The following TAOK1 variants were observed in gnomAD, a reference collection of about 807,000 sequenced individuals.
The protein encoded by TAOK1 is TAO kinase 1.
Under a neutral mutation model 138.3 loss-of-function variants are expected in TAOK1, and 21 were observed. The observed-to-expected ratio is 0.15, with a 90% CI of 0.11 to 0.22. The LOEUF (loss-of-function observed/expected upper bound fraction) is 0.22, where lower values mean the gene tolerates loss of function less well. Ranked by LOEUF, TAOK1 falls within the 10% of genes least tolerant of loss-of-function variation. TAOK1 has a pLI of 1.00. For missense variants in TAOK1, 651 were observed against 1,227.7 expected (o/e 0.53, Z 7.02); for synonymous variants, 361 against 398.4 (o/e 0.91, Z 1.12).
intron 2 of TAOK1, among the ~76,000 whole-genome samples, chr17:29,460,382 G>A (rs889200021): frequency 1.2e-4 from 18 of 152,078 alleles, no homozygotes; most frequent in Admixed American, 2.0e-4. Flanking sequence ...AGTAGAGACC[G>A]GGTTTCACCA....
At chr17:29,522,178 A>G (rs2031932576) in intron 16 of TAOK1, 102 bp from the exon 17 acceptor site, 8 of 1,425,808 alleles carry the variant, frequency 5.6e-6, no homozygotes, top group Non-Finnish European at 7.6e-6. Flanking sequence ...ATTGAATAAC[A>G]GGGTTAATTA....
At chr17:29,534,598 C>T (rs1055333980) in intron 19 of TAOK1, among the ~76,000 whole-genome samples, 4 of 152,150 alleles carry the variant, frequency 2.6e-5, no homozygotes, top group African/African-American at 9.7e-5. Context: ...GCTCTATTTT[C>T]CTCACTTCTG....
intron 1 of TAOK1, among the ~76,000 whole-genome samples, chr17:29,400,338 CG>C (rs1904798893): frequency 6.9e-6 from 1 of 145,190 alleles, no homozygotes; most frequent in African/African-American, 2.6e-5. Flanking sequence ...TGCAATGAGC[CG>C]AGATCGCGCC....
intron 2 of TAOK1, among the ~76,000 whole-genome samples, chr17:29,463,570 C>CA (rs34303520): frequency 0.3 from 35,540 of 117,050 alleles, 5,006 homozygotes; most frequent in East Asian, 0.66. Context: ...GACTCCATCT[C>CA]AAAAAAAAAA....
chr17:29,491,445 G>A (rs1015304908), intron 9 of TAOK1, among the ~76,000 whole-genome samples: 20 of 151,396 alleles, frequency 1.3e-4, no homozygotes, highest in African/African-American at 4.6e-4. Context: ...TTAGCAAAAA[G>A]GAAAATAGAA....
rs2030123715 is a variant in TAOK1, at chr17:29,447,667, T to TA, written c.-94-3788_-94-3787insA. The stretch of plus-strand genomic sequence containing the variant: ...TTATTTTATTTTATTTTATTTTTTT[T>TA]TTTTTTTGAGACAGAGTGTCGCTAT... On this transcript the variant is annotated intron_variant, in intron 1 of 19. Coordinates refer to ENST00000261716, the MANE Select transcript of TAOK1 (RefSeq NM_020791.4). Among the ~76,000 whole-genome samples the TA allele has an allele frequency of 3.3e-5, 5 of 151,270 alleles. No homozygotes were observed. The South Asian group carries it at 1.0e-3, about 31-fold the overall frequency.
rs2031938924 is a variant in TAOK1 at position 29,522,600 on chromosome 17, G to A, written c.2148+81G>A. 5 of 1,541,424 alleles carry A rather than the reference G, an allele frequency of 3.2e-6. No individual in the cohort carries two copies. The African/African-American group carries it at 5.5e-5, about 17-fold the overall frequency. The stretch of plus-strand genomic sequence containing the variant: ...TAAGCAGGAAAAGTCTTAAGATGAT[G>A]TCTAGTCATAAAGAAATTGACTAAG... On this transcript the variant is annotated intron_variant, in intron 17 of 19. Coordinates refer to ENST00000261716, the MANE Select transcript of TAOK1 (RefSeq NM_020791.4).
chr17:29,542,410 TTAAAG>T (rs1598532932), intron 19 of TAOK1, 146 bp from the exon 20 acceptor site: 6 of 656,014 alleles, frequency 9.1e-6, no homozygotes, highest in Admixed American at 3.8e-5. Flanking sequence ...TTTTAATAAA[TTAAAG>T]GGAAAAAGTT....
chr17:29,400,406 AAAC>A (rs1904804223), intron 1 of TAOK1, among the ~76,000 whole-genome samples: 2 of 151,708 alleles, frequency 1.3e-5, no homozygotes, highest in African/African-American at 2.4e-5. Flanking sequence ...AAAAAAAAAA[AAAC>A]AACAAATGAC....
At chr17:29,406,408 A>G (rs1904992268) in intron 1 of TAOK1, among the ~76,000 whole-genome samples, 1 of 152,164 alleles carries the variant, frequency 6.6e-6, no homozygotes, top group African/African-American at 2.4e-5. Flanking sequence ...GAGAGCATGA[A>G]TGATCAATAT....
At chr17:29,505,576 C>T (rs2031615608) in intron 13 of TAOK1, among the ~76,000 whole-genome samples, 2 of 151,798 alleles carry the variant, frequency 1.3e-5, no homozygotes, top group African/African-American at 4.8e-5. Flanking sequence ...ATGGCAGGCG[C>T]CTGTAATCCC....
chr17:29,408,711 C>CTT (rs916248069), intron 1 of TAOK1, among the ~76,000 whole-genome samples: 1 of 149,234 alleles, frequency 6.7e-6, no homozygotes. Context: ...TGATTTCTTT[C>CTT]TTTTTTTTTT....
rs1180534035 is a variant in TAOK1, at chr17:29,468,153, A to T, written c.204+937A>T. Reference sequence around the variant, plus strand: ...GCTTTCAATTTTTTTTTTTTTTTTTAGGAGCTGGAGTCTCACTCTGCTGCC... The same window carrying T: ...GCTTTCAATTTTTTTTTTTTTTTTTTGGAGCTGGAGTCTCACTCTGCTGCC... On this transcript the variant is annotated intron_variant, in intron 3 of 19. Transcript: ENST00000261716. 2.5e-3 allele frequency among the ~76,000 whole-genome samples: 64 copies of T among 25,904 alleles called. No individual in the cohort carries two copies. In the East Asian group the frequency reaches 0.082, roughly 33 times the overall value. The allele number at this position is 25,904 out of a possible 152,430, so 17.0% of individuals were successfully genotyped here.
At chr17:29,467,414 C>A (rs2030697021) in intron 3 of TAOK1, among the ~76,000 whole-genome samples, 198 bp downstream of exon 3, 1 of 152,094 alleles carries the variant, frequency 6.6e-6, no homozygotes, top group African/African-American at 2.4e-5. Flanking sequence ...GCTGGGACTA[C>A]AGGCACCCGC....
intron 8 of TAOK1, among the ~76,000 whole-genome samples, chr17:29,484,588 T>C (rs2031128916): frequency 6.6e-6 from 1 of 152,104 alleles, no homozygotes; most frequent in South Asian, 2.1e-4. Flanking sequence ...ATTTTCGTTT[T>C]TTTTCTTTTC....
chr17:29,541,006 T>G (rs1397315402), intron 19 of TAOK1, among the ~76,000 whole-genome samples: 1 of 152,190 alleles, frequency 6.6e-6, no homozygotes, highest in Non-Finnish European at 1.5e-5. Context: ...ACGCCCGGCC[T>G]TGATACATTT....
At position 29,397,718 on chromosome 17, in the gene TAOK1, T is replaced by C. The variant is rs978668590; in HGVS notation, c.-95+6694T>C. 6.9e-5 allele frequency among the ~76,000 whole-genome samples: 8 copies of C among 115,988 alleles called. No individual in the cohort carries two copies. In the South Asian group the frequency reaches 1.1e-3, roughly 16 times the overall value. The allele number at this position is 115,988 out of a possible 152,430, so 76.1% of individuals were successfully genotyped here. On this transcript the variant is annotated intron_variant, in intron 1 of 19. Transcript: ENST00000261716. ...TCATGTATGCATACATGAATATACA[T>C]GTATGTATATACATATATACACGTA...
rs745491181 is a variant in TAOK1, at chr17:29,517,523, T to C, written c.1775T>C (p.Ile592Thr). Residue 592 changes from isoleucine to threonine, a missense_variant, in exon 16 of 20, where the codon ATA becomes ACA. Around this residue, in one of 8 missense-constraint regions of TAOK1, gnomAD observed 258 missense variants for 548.9 expected, o/e 0.47. Transcript: ENST00000261716. ...QEWLSKQKEN[I>T]QHFQAEEEAN... ...TGGCTTTCAAAGCAGAAGGAGAATA[T>C]ACAGCATTTCCAAGCAGAAGAAGAA... 1 of 1,613,906 alleles carries C rather than the reference T, an allele frequency of 6.2e-7. No individual in the cohort carries two copies.
In TAOK1 at chr17:29,498,456, G is replaced by C; in HGVS notation, c.1138G>C (p.Glu380Gln). 1 of 1,614,184 alleles carries C rather than the reference G, an allele frequency of 6.2e-7. No individual in the cohort carries two copies. The highest frequency in any genetic ancestry group is 8.5e-7 in the Non-Finnish European group (1 of 1,180,028). ...SLPDVSDDKS[E>Q]LDMMEGDHTV... is the part of the protein sequence containing the mutation. The stretch of plus-strand genomic sequence containing the variant: ...TCCAGATGTCTCAGATGACAAGAGT[G>C]AGCTAGACATGATGGAGGGAGACCA... Residue 380 changes from glutamate (E) to glutamine (Q), a missense_variant, in exon 12 of 20, where the codon GAG becomes CAG. By Grantham distance (29) the Glu-to-Gln change is conservative. This residue lies in a region of TAOK1 where 104 missense variants were observed against 151.7 expected (regional missense o/e 0.69). Transcript: ENST00000261716.
Sources: gnomAD v4.1 joint callset for allele counts (sites outside exome capture counted in the v4.1 genomes callset) on GRCh38, gnomAD v4.1.1 for gene constraint, gnomAD v4.1.1 regional missense constraint, MANE v1.5 for transcripts, NCBI Gene and HGNC (gene_info 2026-07-23, HGNC 2026-07-21) for gene names.